Variants in THADA observed in about 807,000 individuals in gnomAD.
The protein encoded by THADA is tRNA (32-2'-O)-methyltransferase regulator THADA.
THADA carries 213 observed loss-of-function variants against 219.8 expected under a neutral mutation model. The ratio of observed to expected loss-of-function variants is 0.97; its 90% confidence interval spans 0.87 to 1.09. The LOEUF is 1.09. Among genes scored for constraint, THADA ranks in the 50% least tolerant of loss-of-function variants. THADA has a pLI of 0.00. For missense variants in THADA, 2,956 were observed against 2,311.3 expected (o/e 1.28, Z -5.72); for synonymous variants, 1,018 against 828.9 (o/e 1.23, Z -3.92).
At chr2:43,326,363 G>A (rs1303635044) in intron 30 of THADA, among the ~76,000 whole-genome samples, 3 of 152,148 alleles carry the variant, frequency 2.0e-5, no homozygotes, top group Admixed American at 1.3e-4. Context: ...CCACAACAGA[G>A]GAAGTAGCAT....
chr2:43,493,198 C>T (rs1687860591), intron 25 of THADA, among the ~76,000 whole-genome samples: 1 of 152,156 alleles, frequency 6.6e-6, no homozygotes, highest in African/African-American at 2.4e-5. Context: ...GCTAAATATA[C>T]ACCAGATAAA....
intron 21 of THADA, among the ~76,000 whole-genome samples, chr2:43,533,132 T>C (rs1180001279): frequency 6.6e-6 from 1 of 152,126 alleles, no homozygotes; most frequent in East Asian, 1.9e-4. Flanking sequence ...AACAAATATA[T>C]GAAAAAAGCT....
intron 36 of THADA, among the ~76,000 whole-genome samples, chr2:43,268,877 G>C (rs754595297): frequency 1.3e-5 from 2 of 152,196 alleles, no homozygotes; most frequent in Non-Finnish European, 2.9e-5. Flanking sequence ...GCTCCCAATA[G>C]AGTCAGGCCT....
At chr2:43,435,793 AAAAAAAAGAAAG>A (rs1239811800) in intron 26 of THADA, among the ~76,000 whole-genome samples, 1 of 150,586 alleles carries the variant, frequency 6.6e-6, no homozygotes, top group Non-Finnish European at 1.5e-5. Context: ...AAAAAAAAAA[AAAAAAAAGAAAG>A]AAAAGAAAAA....
chr2:43,367,707 G>C (rs151055467), intron 29 of THADA, among the ~76,000 whole-genome samples: 1 of 152,328 alleles, frequency 6.6e-6, no homozygotes, highest in African/African-American at 2.4e-5. Context: ...GCAACAATGG[G>C]ATGGTAAAGA....
chr2:43,285,551 T>C (rs1382124797), intron 35 of THADA, among the ~76,000 whole-genome samples: 2 of 152,030 alleles, frequency 1.3e-5, no homozygotes, highest in African/African-American at 4.8e-5. Flanking sequence ...CTTCATAAAT[T>C]ACCCAGTCTC....
Position 43,231,012 on chromosome 2 carries a change from CTG to C in THADA, c.5796_5797del (p.Ser1933CysfsTer?), listed in dbSNP as rs1558435480. The stretch of plus-strand genomic sequence containing the variant: ...CGATTCTGCATAAGAGTCCCAAACA[CTG>C]AGAACTAGGGTGTCTTCCCCTTCCT... On this transcript the variant is annotated frameshift_variant, in exon 38 of 38. Coordinates refer to ENST00000405975, the MANE Select transcript of THADA (RefSeq NM_022065.5). LOFTEE classifies it high-confidence loss of function. 1.2e-6 allele frequency: 2 copies of C among 1,613,946 alleles called. No individual in the cohort carries two copies. Among genetic ancestry groups the C allele is most frequent in the Non-Finnish European group, 1.7e-6 (2 of 1,179,856 alleles).
intron 35 of THADA, among the ~76,000 whole-genome samples, chr2:43,283,952 G>A (rs1208452261): frequency 6.6e-6 from 1 of 152,210 alleles, no homozygotes; most frequent in East Asian, 1.9e-4. Context: ...GCTGAGATGG[G>A]TGGATTGCCT....
At chr2:43,538,817 A>G (rs1156764281) in intron 21 of THADA, among the ~76,000 whole-genome samples, 1 of 152,156 alleles carries the variant, frequency 6.6e-6, no homozygotes, top group Non-Finnish European at 1.5e-5. Context: ...TTGTGAATAT[A>G]TCACTGAAAA....
At chr2:43,294,191 A>G (rs1004048389) in intron 31 of THADA, among the ~76,000 whole-genome samples, 1 of 152,200 alleles carries the variant, frequency 6.6e-6, no homozygotes, top group Non-Finnish European at 1.5e-5. Flanking sequence ...ATCTTTTCAT[A>G]TTCTCAGTTC....
chr2:43,364,364 C>T (rs1016373276), intron 29 of THADA, among the ~76,000 whole-genome samples: 1 of 152,182 alleles, frequency 6.6e-6, no homozygotes, highest in African/African-American at 2.4e-5. Context: ...TTTTCAACCC[C>T]AGCACTACTA....
In THADA at chr2:43,577,686, A is replaced by C. The variant is rs371410246; in HGVS notation, c.817-444T>G. ...ATACAATATAGCAAGCAAAAAAAGAAATCTACTAGTAAAAAATACAAGGAT... is the reference window on the plus strand; with the variant it reads ...ATACAATATAGCAAGCAAAAAAAGACATCTACTAGTAAAAAATACAAGGAT... On this transcript the variant is annotated intron_variant, in intron 9 of 37. Transcript: ENST00000405975. Among the ~76,000 whole-genome samples the C allele has an allele frequency of 9.2e-5, 14 of 152,268 alleles. No individual in the cohort carries two copies. The South Asian group carries it at 2.9e-3, about 32-fold the overall frequency.
intron 26 of THADA, among the ~76,000 whole-genome samples, chr2:43,468,357 C>G (rs1250117866): frequency 6.6e-6 from 1 of 152,154 alleles, no homozygotes; most frequent in African/African-American, 2.4e-5. Context: ...CTTTGAAACA[C>G]TATATGGAAA....
intron 19 of THADA, among the ~76,000 whole-genome samples, chr2:43,551,390 G>T (rs1323635083): frequency 1.3e-5 from 2 of 152,058 alleles, no homozygotes; most frequent in African/African-American, 4.8e-5. Context: ...AATGGCTGAG[G>T]AGCCCTAATC....
chr2:43,506,685 C>A (rs1689712519), intron 23 of THADA, among the ~76,000 whole-genome samples: 1 of 152,122 alleles, frequency 6.6e-6, no homozygotes, highest in African/African-American at 2.4e-5. Context: ...CTGAAAACCA[C>A]TGAATTGTAC....
chr2:43,549,090 T>G, intron 20 of THADA, 120 bp downstream of exon 20: 1 of 964,870 alleles, frequency 1.0e-6, no homozygotes, highest in Non-Finnish European at 1.4e-6. Flanking sequence ...TAAAAAACTT[T>G]ATTTTCTAGA....
intron 26 of THADA, among the ~76,000 whole-genome samples, chr2:43,470,823 C>T (rs1684824023): frequency 6.6e-6 from 1 of 152,232 alleles, no homozygotes; most frequent in African/African-American, 2.4e-5. Flanking sequence ...CTTTGGAAGA[C>T]TCCGCAGTTT....
intron 30 of THADA, among the ~76,000 whole-genome samples, chr2:43,342,085 T>G (rs1243008444): frequency 6.6e-6 from 1 of 152,122 alleles, no homozygotes; most frequent in African/African-American, 2.4e-5. Flanking sequence ...CATAGTGGCG[T>G]GTGCCTGTAG....
At position 43,299,183 on chromosome 2, in the gene THADA, A is replaced by T. The variant is rs760728758; in HGVS notation, c.4439-5970T>A. Among the ~76,000 whole-genome samples, 70 of 105,740 alleles carry T rather than the reference A, an allele frequency of 6.6e-4. 1 individual carries two copies. Among genetic ancestry groups the T allele is most frequent in the South Asian group, 2.0e-3 (8 of 4,032 alleles). The allele number at this position is 105,740 out of a possible 152,430, so 69.4% of individuals were successfully genotyped here. A position where few individuals can be genotyped will look rare whatever the true frequency, so the allele number is the denominator to read the frequency against. On this transcript the variant is annotated intron_variant, in intron 31 of 37. Coordinates refer to ENST00000405975, the MANE Select transcript of THADA (RefSeq NM_022065.5). ...TGTCTCATTATATATGCAAATATTT[A>T]AAAAAAAAAAACCCAAACCTGAAAT...
Sources: gnomAD v4.1 joint callset for allele counts (sites outside exome capture counted in the v4.1 genomes callset) on GRCh38, gnomAD v4.1.1 for gene constraint, MANE v1.5 for transcripts, NCBI Gene and HGNC (gene_info 2026-07-23, HGNC 2026-07-21) for gene names.